The following PLCB4 variants were observed in gnomAD, a reference collection of about 807,000 sequenced individuals.
PLCB4 encodes phospholipase C beta 4.
In PLCB4, 77 loss-of-function variants were observed where a neutral mutation model predicts 178.8. The ratio of observed to expected loss-of-function variants is 0.43; its 90% CI spans 0.36 to 0.52. PLCB4 has a LOEUF of 0.52. Ranked by LOEUF, PLCB4 falls within the 20% of genes least tolerant of loss-of-function variation. The pLI, the probability that PLCB4 is intolerant of heterozygous loss-of-function variation, is 0.00. For missense variants in PLCB4, 1,024 were observed against 1,453.4 expected, an observed-to-expected ratio of 0.70 and a Z score of 4.80; for synonymous variants, 496 against 490.8, an observed-to-expected ratio of 1.01 and a Z score of -0.14.
At chr20:9,375,769 C>T (rs986337964) in intron 12 of PLCB4, among the ~76,000 whole-genome samples, 6 of 152,036 alleles carry the variant, frequency 3.9e-5, no homozygotes, top group South Asian at 2.1e-4. Context: ...AACAATTCCA[C>T]GGAAAAACTG....
intron 30 of PLCB4, among the ~76,000 whole-genome samples, chr20:9,438,764 G>A: frequency 6.6e-6 from 1 of 152,128 alleles, no homozygotes. Flanking sequence ...GAGAAGTGAA[G>A]ACTACAAAAT....
At chr20:9,474,456 T>C (rs566173007) in intron 38 of PLCB4, among the ~76,000 whole-genome samples, 2 of 152,340 alleles carry the variant, frequency 1.3e-5, no homozygotes, top group East Asian at 3.9e-4. Context: ...TCAAATGTTA[T>C]TCTTTAGGTG....
At chr20:9,469,777 C>G (rs2044057685) in intron 36 of PLCB4, among the ~76,000 whole-genome samples, 1 of 152,154 alleles carries the variant, frequency 6.6e-6, no homozygotes, top group East Asian at 1.9e-4. Flanking sequence ...AAGTGCAAGC[C>G]CTTTAGACAC....
At chr20:9,240,359 A>G (rs1264391349) in intron 3 of PLCB4, among the ~76,000 whole-genome samples, 3 of 152,112 alleles carry the variant, frequency 2.0e-5, no homozygotes, top group Non-Finnish European at 4.4e-5. Context: ...ATTTTGGGGT[A>G]GTGTGTTCTG....
chr20:9,158,675 C>T (rs1259211888), intron 2 of PLCB4, among the ~76,000 whole-genome samples: 2 of 151,888 alleles, frequency 1.3e-5, no homozygotes, highest in African/African-American at 2.4e-5. Context: ...ATAGTAGATA[C>T]CCAATAAAAA....
chr20:9,408,873 A>C (rs1378586264), intron 23 of PLCB4, among the ~76,000 whole-genome samples, 156 bp downstream of exon 23: 1 of 152,194 alleles, frequency 6.6e-6, no homozygotes, highest in African/African-American at 2.4e-5. Context: ...TGCCCAAATG[A>C]AAATTGTTTT....
intron 3 of PLCB4, among the ~76,000 whole-genome samples, chr20:9,302,518 C>T (rs1460534605): frequency 6.6e-6 from 1 of 152,130 alleles, no homozygotes; most frequent in Non-Finnish European, 1.5e-5. Flanking sequence ...CCACAGCCAC[C>T]AGTTTCAAAT....
chr20:9,395,689 C>T, intron 19 of PLCB4, 71 bp downstream of exon 19: 3 of 1,093,372 alleles, frequency 2.7e-6, no homozygotes, highest in Non-Finnish European at 4.0e-6. Flanking sequence ...CCAGGCTGGG[C>T]ACAGTGGCTC....
chr20:9,276,550 G>C (rs775888805), intron 3 of PLCB4, among the ~76,000 whole-genome samples: 4 of 151,952 alleles, frequency 2.6e-5, no homozygotes, highest in Non-Finnish European at 5.9e-5. Flanking sequence ...TGTGAGAGGG[G>C]GTTATTTATT....
At chr20:9,106,676 AG>A (rs1241176975) in intron 2 of PLCB4, among the ~76,000 whole-genome samples, 8 of 152,158 alleles carry the variant, frequency 5.3e-5, no homozygotes, top group Non-Finnish European at 1.0e-4. Flanking sequence ...TTTGCAGTCT[AG>A]CACCATTCTA....
chr20:9,372,487 T>C, intron 11 of PLCB4, 84 bp downstream of exon 11: 1 of 659,726 alleles, frequency 1.5e-6, no homozygotes, highest in Non-Finnish European at 2.7e-6. Flanking sequence ...CCTATTTTAA[T>C]AGAGTATGTT....
At chr20:9,436,617 GC>G (rs1415401743) in intron 29 of PLCB4, among the ~76,000 whole-genome samples, 1 of 152,162 alleles carries the variant, frequency 6.6e-6, no homozygotes, top group Admixed American at 6.5e-5. Flanking sequence ...ACCTGCCAAA[GC>G]ATTGAAATTA....
intron 2 of PLCB4, among the ~76,000 whole-genome samples, chr20:9,102,424 C>T (rs747238001): frequency 6.6e-6 from 1 of 152,058 alleles, no homozygotes; most frequent in Non-Finnish European, 1.5e-5. Flanking sequence ...TGCGGTGGTT[C>T]GAGATATACA....
At chr20:9,422,494 C>T (rs1030699502) in intron 27 of PLCB4, among the ~76,000 whole-genome samples, 2 of 152,134 alleles carry the variant, frequency 1.3e-5, no homozygotes, top group Non-Finnish European at 1.5e-5. Flanking sequence ...TAGCTGGATC[C>T]GTTACCAGTA....
At chr20:9,424,954 G>A (rs989666000) in intron 28 of PLCB4, among the ~76,000 whole-genome samples, 7 of 151,818 alleles carry the variant, frequency 4.6e-5, no homozygotes, top group African/African-American at 1.5e-4. Context: ...AACTTTACCA[G>A]TCTAATATCA....
At chr20:9,359,233 A>G (rs899592677) in intron 7 of PLCB4, among the ~76,000 whole-genome samples, 1 of 152,174 alleles carries the variant, frequency 6.6e-6, no homozygotes, top group African/African-American at 2.4e-5. Context: ...GGCAAAGGTG[A>G]TAGATGGGTA....
intron 3 of PLCB4, among the ~76,000 whole-genome samples, chr20:9,307,267 G>A (rs1431763561): frequency 2.0e-5 from 3 of 152,090 alleles, no homozygotes; most frequent in South Asian, 4.2e-4. Flanking sequence ...CAAAGGGGTA[G>A]GGGAAAGGGA....
At position 9,374,591 on chromosome 20, in the gene PLCB4, C is replaced by G. The variant is rs2036516266; in HGVS notation, c.744+1487C>G. 2.0e-5 allele frequency among the ~76,000 whole-genome samples: 3 copies of G among 152,276 alleles called. No homozygotes were observed. In the South Asian group the frequency reaches 6.2e-4, roughly 32 times the overall value. ...AATCTACCACATCTTCAGTTTGCCA[C>G]TTCCAAGACAAGGCCTCTTGTGTTC... On this transcript the variant is annotated intron_variant, in intron 12 of 39. Coordinates refer to ENST00000378473, the MANE Select transcript of PLCB4 (RefSeq NM_001377142.1).
chr20:9,453,316 C>A, intron 32 of PLCB4, 31 bp from the exon 33 acceptor site: 2 of 1,287,998 alleles, frequency 1.6e-6, no homozygotes, highest in Non-Finnish European at 2.3e-6. Context: ...GCTAAGAGTC[C>A]AATTCATAAC....
Sources: allele counts gnomAD v4.1 joint callset (sites outside exome capture counted in the v4.1 genomes callset), GRCh38; gene constraint gnomAD v4.1.1; transcripts MANE v1.5; gene names NCBI Gene and HGNC (gene_info 2026-07-23, HGNC 2026-07-21).